Variants in TWF2 observed in about 807,000 individuals in gnomAD.
TWF2 encodes the protein twinfilin-2.
TWF2 carries 15 observed loss-of-function variants against 45.1 expected under a neutral mutation model. The ratio of observed to expected loss-of-function variants is 0.33; its 90% CI spans 0.22 to 0.51. TWF2 has a LOEUF of 0.51. Among genes scored for constraint, TWF2 ranks in the 20% least tolerant of loss-of-function variants. The probability of loss-of-function intolerance (pLI) is 0.97; values close to 1 mark genes in which losing one functional copy is unlikely to be tolerated. For missense variants in TWF2, 423 were observed against 469.1 expected, an observed-to-expected ratio of 0.90 and a Z score of 0.91; for synonymous variants, 177 against 195.8, an observed-to-expected ratio of 0.90 and a Z score of 0.80.
At chr3:52,232,188 A>C in intron 2 of TWF2, 66 bp from the exon 3 acceptor site, 6 of 1,446,000 alleles carry the variant, frequency 4.1e-6, no homozygotes, top group Non-Finnish European at 5.5e-6. Flanking sequence ...GCAGACCTCC[A>C]GCCTCGCCGT....
intron 3 of TWF2, 108 bp from the exon 4 acceptor site, chr3:52,231,647 T>C: frequency 4.7e-6 from 6 of 1,279,912 alleles, no homozygotes; most frequent in Non-Finnish European, 5.4e-6. Flanking sequence ...CTGGCACACC[T>C]GGCAGAGGGC....
intron 1 of TWF2, among the ~76,000 whole-genome samples, chr3:52,238,105 G>A (rs1699743906): frequency 6.6e-6 from 1 of 152,166 alleles, no homozygotes; most frequent in African/African-American, 2.4e-5. Flanking sequence ...GTGTGATGCG[G>A]GAATGGTGAA....
Position 52,234,979 on chromosome 3 carries a change from C to A in TWF2, c.103+50G>T, listed in dbSNP as rs1320066434. 1.9e-6 allele frequency: 3 copies of A among 1,598,240 alleles called. No homozygotes were observed. The Admixed American group carries it at 5.0e-5, about 27-fold the overall frequency. ...ATCCTCCTTCCCCCACCCACAGAGG[C>A]AGCAGAGTCCACCCCCAAGCCTATA... On this transcript the variant is annotated intron_variant, in intron 2 of 8. Transcript: ENST00000305533.
chr3:52,234,317 A>C (rs1264676987), intron 2 of TWF2, among the ~76,000 whole-genome samples: 1 of 152,136 alleles, frequency 6.6e-6, no homozygotes, highest in Non-Finnish European at 1.5e-5. Context: ...CCTCACCCAA[A>C]GGGACAGTCC....
chr3:52,237,151 C>T (rs944536732), intron 1 of TWF2, among the ~76,000 whole-genome samples: 5 of 152,190 alleles, frequency 3.3e-5, no homozygotes, highest in African/African-American at 7.2e-5. Context: ...GACAGGCCGA[C>T]GGGCCCCTTC....
intron 3 of TWF2, 60 bp downstream of exon 3, chr3:52,231,884 G>A: frequency 6.3e-7 from 1 of 1,575,356 alleles, no homozygotes; most frequent in Non-Finnish European, 8.6e-7. Context: ...CCAGGGCAAG[G>A]CCTTGTTGCC....
intron 2 of TWF2, among the ~76,000 whole-genome samples, chr3:52,232,416 C>T (rs938815491): frequency 3.3e-5 from 5 of 152,146 alleles, no homozygotes; most frequent in East Asian, 1.9e-4. Context: ...CACAAAGACA[C>T]GCAGCCGTCA....
intron 1 of TWF2, 136 bp downstream of exon 1, chr3:52,238,856 G>A (rs1341893394): frequency 1.6e-6 from 2 of 1,267,350 alleles, no homozygotes; most frequent in Admixed American, 2.5e-5. Flanking sequence ...CCCACCCCAG[G>A]CGACCCGCGG....
intron 1 of TWF2, among the ~76,000 whole-genome samples, chr3:52,237,767 C>T (rs1244754514): frequency 6.6e-6 from 1 of 152,212 alleles, no homozygotes; most frequent in Non-Finnish European, 1.5e-5. Flanking sequence ...GACCCAGGCC[C>T]CTGCCTTCGC....
intron 1 of TWF2, 92 bp from the exon 2 acceptor site, chr3:52,235,198 G>A: frequency 7.5e-7 from 1 of 1,339,228 alleles, no homozygotes; most frequent in South Asian, 1.2e-5. Context: ...TCTGGTGGCT[G>A]AGCTGGGAAC....
chr3:52,234,594 C>G (rs185514921), intron 2 of TWF2, among the ~76,000 whole-genome samples: 1 of 152,326 alleles, frequency 6.6e-6, no homozygotes, highest in East Asian at 1.9e-4. Context: ...GAGAAGGGTG[C>G]AGGATCTCCT....
chr3:52,232,007 G>C lies in TWF2; in HGVS notation c.219C>G (p.Leu73=), dbSNP rs779608030. 1 of 1,614,042 alleles carries C rather than the reference G, an allele frequency of 6.2e-7. No individual in the cohort carries two copies. Among genetic ancestry groups the C allele is most frequent in the South Asian group, 1.1e-5 (1 of 91,084 alleles). Residue 73 remains leucine (L), a synonymous_variant, in exon 3 of 9, where the codon CTC becomes CTG. Coordinates refer to ENST00000305533, the MANE Select transcript of TWF2 (RefSeq NM_007284.4). ...CGAAGCCCTGAGCATTCTGTGAGTCGAGGCGGTAGAGCAGGTAGCAGGGCT... is the reference window on the plus strand; with the variant it reads ...CGAAGCCCTGAGCATTCTGTGAGTCCAGGCGGTAGAGCAGGTAGCAGGGCT... ...AQQPCYLLYR[L]DSQNAQGFEW... is the part of the protein sequence containing the mutation.
intron 6 of TWF2, among the ~76,000 whole-genome samples, 163 bp from the exon 7 acceptor site, chr3:52,230,233 C>G (rs1457748399): frequency 1.3e-5 from 2 of 152,214 alleles, no homozygotes; most frequent in Non-Finnish European, 2.9e-5. Context: ...GGGGGTCCCT[C>G]TGAAGAGGCC....
intron 1 of TWF2, among the ~76,000 whole-genome samples, chr3:52,236,288 T>G (rs1251413874): frequency 5.5e-5 from 7 of 127,650 alleles, no homozygotes; most frequent in African/African-American, 6.0e-5. Flanking sequence ...GCAACAAGAG[T>G]GAAACTCCGC....
intron 3 of TWF2, 132 bp downstream of exon 3, chr3:52,231,812 G>T (rs950419504): frequency 1.5e-6 from 2 of 1,339,150 alleles, no homozygotes; most frequent in Non-Finnish European, 1.0e-6. Flanking sequence ...ACTCCCTAGG[G>T]CACGGCCTGA....
chr3:52,234,995 CAAGCCT>C (rs1559442078), intron 2 of TWF2, 28 bp downstream of exon 2: 1 of 1,610,570 alleles, frequency 6.2e-7, no homozygotes, highest in South Asian at 1.1e-5. Flanking sequence ...AGTCCACCCC[CAAGCCT>C]ATACCCTGGC....
intron 2 of TWF2, 36 bp from the exon 3 acceptor site, chr3:52,232,158 C>G (rs911934847): frequency 3.4e-6 from 5 of 1,488,692 alleles, no homozygotes; most frequent in Admixed American, 2.3e-5. Context: ...CCGCTCCCAG[C>G]TCCCACTGCG....
At position 52,235,015 on chromosome 3, in the gene TWF2, T is replaced by C. The variant is rs1309803457; in HGVS notation, c.103+14A>G. The C allele has an allele frequency of 3.1e-6, 5 of 1,613,072 alleles. No homozygotes were observed. In the South Asian group the frequency reaches 4.4e-5, roughly 14 times the overall value. On this transcript the variant is annotated intron_variant, in intron 2 of 8. Transcript: ENST00000305533. ...ACCCCCAAGCCTATACCCTGGCCTG[T>C]GAGGGGCACTCACCGTCCTCAATCA...
At chr3:52,238,420 A>G (rs1699747381) in intron 1 of TWF2, among the ~76,000 whole-genome samples, 1 of 152,184 alleles carries the variant, frequency 6.6e-6, no homozygotes, top group African/African-American at 2.4e-5. Flanking sequence ...ACACATAAAC[A>G]AGCCCATTCA....
Sources: allele counts gnomAD v4.1 joint callset (sites outside exome capture counted in the v4.1 genomes callset), GRCh38; gene constraint gnomAD v4.1.1; transcripts MANE v1.5; gene names NCBI Gene and HGNC (gene_info 2026-07-23, HGNC 2026-07-21).